Variants in PCDH9 observed in about 807,000 individuals in gnomAD.
The protein encoded by PCDH9 is protocadherin-9.
In PCDH9, 24 loss-of-function variants were observed where a neutral mutation model predicts 70.6. The observed-to-expected ratio is 0.34, with a 90% CI of 0.25 to 0.48. The LOEUF is 0.48. Ranked by LOEUF, PCDH9 falls within the 20% of genes least tolerant of loss-of-function variation. PCDH9 has a pLI of 0.99. For synonymous variants in PCDH9, 562 were observed against 558.5 expected, an observed-to-expected ratio of 1.01 and a Z score of -0.09; for missense variants, 1,281 against 1,503.6, an observed-to-expected ratio of 0.85 and a Z score of 2.45.
At chr13:66,573,767 T>C in intron 4 of PCDH9, among the ~76,000 whole-genome samples, 1 of 151,734 alleles carries the variant, frequency 6.6e-6, no homozygotes, top group South Asian at 2.1e-4. Flanking sequence ...GTTTGTTTGT[T>C]TTTTTGGTGC....
chr13:66,334,854 A>G (rs1956009188), intron 4 of PCDH9, among the ~76,000 whole-genome samples: 1 of 152,082 alleles, frequency 6.6e-6, no homozygotes, highest in South Asian at 2.1e-4. Context: ...TTATATTTGA[A>G]CCTGTAATTG....
chr13:67,043,359 G>A (rs1205214908), intron 2 of PCDH9, among the ~76,000 whole-genome samples: 5 of 152,140 alleles, frequency 3.3e-5, no homozygotes, highest in African/African-American at 1.2e-4. Context: ...TACGAGGATT[G>A]TATAAATTTA....
intron 4 of PCDH9, among the ~76,000 whole-genome samples, chr13:66,556,855 G>A (rs1315290517): frequency 4.6e-5 from 7 of 151,998 alleles, no homozygotes; most frequent in Non-Finnish European, 7.4e-5. Flanking sequence ...GGGCAACAAG[G>A]AGCTAGATAG....
intron 2 of PCDH9, chr13:66,977,392 G>C (rs571990208): frequency 6.6e-6 from 1 of 151,956 alleles, no homozygotes; most frequent in Admixed American, 6.6e-5. Context: ...AGGATAACGT[G>C]GTAGTGCCCA....
At chr13:66,713,979 G>C (rs1173003276) in intron 3 of PCDH9, among the ~76,000 whole-genome samples, 1 of 151,960 alleles carries the variant, frequency 6.6e-6, no homozygotes, top group Non-Finnish European at 1.5e-5. Flanking sequence ...TTTCTTGTGA[G>C]TGATTGGCAA....
chr13:66,730,681 C>T (rs1261655048), intron 3 of PCDH9, among the ~76,000 whole-genome samples: 14 of 138,296 alleles, frequency 1.0e-4, no homozygotes, highest in African/African-American at 2.4e-4. Context: ...TATATATTTC[C>T]TTTTTTTTTT....
At chr13:66,428,710 G>T (rs1038404958) in intron 4 of PCDH9, among the ~76,000 whole-genome samples, 1 of 151,416 alleles carries the variant, frequency 6.6e-6, no homozygotes, top group South Asian at 2.1e-4. Context: ...GAGATATTTA[G>T]GGTAAATGGA....
intron 3 of PCDH9, among the ~76,000 whole-genome samples, chr13:66,864,371 G>T (rs1330770645): frequency 2.0e-5 from 3 of 152,092 alleles, no homozygotes; most frequent in Non-Finnish European, 4.4e-5. Context: ...AAAAAGGGGG[G>T]TGGGGGGCGT....
intron 3 of PCDH9, among the ~76,000 whole-genome samples, chr13:66,699,164 T>A (rs1397264921): frequency 6.6e-6 from 1 of 152,106 alleles, no homozygotes; most frequent in African/African-American, 2.4e-5. Flanking sequence ...TCCTCCTTCG[T>A]TGGCCTCCCA....
At chr13:66,521,623 G>A (rs1415385920) in intron 4 of PCDH9, among the ~76,000 whole-genome samples, 1 of 152,084 alleles carries the variant, frequency 6.6e-6, no homozygotes, top group Non-Finnish European at 1.5e-5. Flanking sequence ...AACACCCGTG[G>A]TACGTGTTAT....
intron 3 of PCDH9, among the ~76,000 whole-genome samples, chr13:66,895,093 C>T (rs909527974): frequency 2.6e-5 from 4 of 152,222 alleles, no homozygotes; most frequent in African/African-American, 9.6e-5. Context: ...CAGGTATGAG[C>T]CACCACGCCC....
intron 3 of PCDH9, among the ~76,000 whole-genome samples, chr13:66,667,541 A>T (rs544713153): frequency 1.3e-5 from 2 of 152,212 alleles, no homozygotes; most frequent in Non-Finnish European, 2.9e-5. Context: ...GACCTAGTGG[A>T]GCTGATGGAT....
chr13:66,968,997 C>G (rs2083474157), intron 2 of PCDH9, among the ~76,000 whole-genome samples: 1 of 152,012 alleles, frequency 6.6e-6, no homozygotes, highest in Non-Finnish European at 1.5e-5. Flanking sequence ...CACTGGAACC[C>G]TTTAGCTGTA....
At chr13:66,673,652 T>C (rs1453536393) in intron 3 of PCDH9, among the ~76,000 whole-genome samples, 2 of 152,184 alleles carry the variant, frequency 1.3e-5, no homozygotes, top group African/African-American at 4.8e-5. Context: ...TTATGACGTG[T>C]AGCCTCCAGA....
At chr13:67,162,075 C>A (rs1186631302) in intron 2 of PCDH9, among the ~76,000 whole-genome samples, 1 of 152,132 alleles carries the variant, frequency 6.6e-6, no homozygotes, top group Non-Finnish European at 1.5e-5. Context: ...TTCTGGGAAG[C>A]AATTAAAAAG....
chr13:66,773,589 T>C (rs1016143914), intron 3 of PCDH9, among the ~76,000 whole-genome samples: 13 of 150,134 alleles, frequency 8.7e-5, no homozygotes, highest in Non-Finnish European at 1.9e-4. Context: ...GAGATTGCGC[T>C]ACTGCACTCC....
rs2082852904 is a variant in PCDH9 at position 66,933,613 on chromosome 13, C to T, written c.3037-30008G>A. 3.9e-5 allele frequency among the ~76,000 whole-genome samples: 6 copies of T among 152,068 alleles called. No homozygotes were observed. The South Asian group carries it at 1.2e-3, about 31-fold the overall frequency. ...GATTTATAAAAGTACCTTAGTCTAC[C>T]TAGGGTAAGAGATATTTTTAGTTGT... On this transcript the variant is annotated intron_variant, in intron 2 of 4. Coordinates refer to ENST00000377865, the MANE Select transcript of PCDH9 (RefSeq NM_203487.3).
At chr13:66,959,286 T>G (rs1252274201) in intron 2 of PCDH9, among the ~76,000 whole-genome samples, 2 of 152,190 alleles carry the variant, frequency 1.3e-5, no homozygotes, top group African/African-American at 4.8e-5. Context: ...AAAGTGTGAC[T>G]TTAAAATTTA....
intron 2 of PCDH9, among the ~76,000 whole-genome samples, chr13:66,950,399 G>C (rs1327933070): frequency 6.6e-6 from 1 of 151,972 alleles, no homozygotes; most frequent in Non-Finnish European, 1.5e-5. Flanking sequence ...GTTATGCTAT[G>C]CCATGCAGGA....
Sources: gnomAD v4.1 joint callset for allele counts (sites outside exome capture counted in the v4.1 genomes callset) on GRCh38, gnomAD v4.1.1 for gene constraint, MANE v1.5 for transcripts, NCBI Gene and HGNC (gene_info 2026-07-23, HGNC 2026-07-21) for gene names.